C8orf89: variants seen among roughly 807,000 people sequenced by gnomAD.
C8orf89 encodes putative uncharacterized protein C8orf89.
C8orf89 carries 14 observed loss-of-function variants against 15.8 expected under a neutral mutation model. The ratio of observed to expected loss-of-function variants is 0.89; its 90% CI spans 0.59 to 1.39. C8orf89 has a LOEUF of 1.39. C8orf89 is among the 40% of genes most tolerant of loss of function. The pLI is 0.00. For synonymous variants in C8orf89, 55 were observed against 62.2 expected, an observed-to-expected ratio of 0.88 and a Z score of 0.54; for missense variants, 181 against 184.5, an observed-to-expected ratio of 0.98 and a Z score of 0.11.
the C8orf89 span, among the ~76,000 whole-genome samples, chr8:73,268,671 C>T: frequency 6.6e-6 from 1 of 152,106 alleles, no homozygotes; most frequent in Non-Finnish European, 1.5e-5. Flanking sequence ...AAAGAACTCT[C>T]ATCTTTCCAG....
chr8:73,260,233 C>T (rs1173105466), upstream of C8orf89, among the ~76,000 whole-genome samples: 5 of 152,088 alleles, frequency 3.3e-5, no homozygotes, highest in Admixed American at 6.6e-5. Flanking sequence ...AAAAGAAATA[C>T]GGATGAGAAA....
chr8:73,275,620 G>T, the C8orf89 span, among the ~76,000 whole-genome samples: 3 of 152,074 alleles, frequency 2.0e-5, no homozygotes, highest in Admixed American at 1.3e-4. Flanking sequence ...GTGTTTATTT[G>T]CCACTTAGGT....
the C8orf89 span, among the ~76,000 whole-genome samples, chr8:73,285,592 G>A: frequency 1.3e-5 from 2 of 152,264 alleles, no homozygotes; most frequent in African/African-American, 2.4e-5. Context: ...GTCCTGAGAC[G>A]GGCCAGCCAC....
At chr8:73,253,202 A>G (rs1450913756) in intron 2 of C8orf89, among the ~76,000 whole-genome samples, 8 of 152,214 alleles carry the variant, frequency 5.3e-5, no homozygotes, top group Non-Finnish European at 1.2e-4. Context: ...TAAACAAACC[A>G]AAGCAGAAGC....
At chr8:73,250,765 T>C (rs935268488) in intron 2 of C8orf89, among the ~76,000 whole-genome samples, 4 of 152,190 alleles carry the variant, frequency 2.6e-5, no homozygotes, top group African/African-American at 9.7e-5. Context: ...TTGAATCTGC[T>C]GTGGGTGAGA....
At chr8:73,256,512 G>A (rs535709295) in intron 2 of C8orf89, among the ~76,000 whole-genome samples, 54 of 152,008 alleles carry the variant, frequency 3.6e-4, no homozygotes, top group Admixed American at 3.3e-3. Flanking sequence ...GGCAGATGAC[G>A]AGGTCAAGAG....
At chr8:73,253,733 T>G in intron 2 of C8orf89, among the ~76,000 whole-genome samples, 1 of 133,556 alleles carries the variant, frequency 7.5e-6, no homozygotes, top group African/African-American at 3.3e-5. Flanking sequence ...TTTGGCTCTC[T>G]GTCTGTTATT....
chr8:73,255,034 A>T (rs1424738367), intron 2 of C8orf89, among the ~76,000 whole-genome samples: 3 of 151,854 alleles, frequency 2.0e-5, no homozygotes, highest in Non-Finnish European at 4.4e-5. Flanking sequence ...AACCTAGGCA[A>T]TACCATTCAG....
chr8:73,256,823 C>A (rs1813401386), intron 2 of C8orf89, 150 bp downstream of exon 2: 2 of 416,202 alleles, frequency 4.8e-6, no homozygotes, highest in African/African-American at 2.3e-5. Flanking sequence ...AATAAAATAG[C>A]TTAGATTTTA....
intron 3 of C8orf89, among the ~76,000 whole-genome samples, chr8:73,243,281 T>C (rs925754109): frequency 5.3e-5 from 8 of 152,206 alleles, no homozygotes; most frequent in African/African-American, 1.4e-4. Context: ...AATGATCTAA[T>C]CGTATATTTA....
At chr8:73,249,602 T>C (rs1244188954) in intron 3 of C8orf89, among the ~76,000 whole-genome samples, 1 of 152,164 alleles carries the variant, frequency 6.6e-6, no homozygotes, top group Admixed American at 6.5e-5. Context: ...AAACTTAAGC[T>C]TTTAATGAAA....
At chr8:73,263,366 T>A (rs1172518037), upstream of C8orf89, among the ~76,000 whole-genome samples, 3 of 151,936 alleles carry the variant, frequency 2.0e-5, no homozygotes, top group East Asian at 1.9e-4. Context: ...TACAAAAAAA[T>A]TAGCCATGTG....
At chr8:73,252,094 A>G (rs1041691320) in intron 2 of C8orf89, among the ~76,000 whole-genome samples, 5 of 152,146 alleles carry the variant, frequency 3.3e-5, no homozygotes, top group Non-Finnish European at 7.3e-5. Flanking sequence ...ATTCTGCCTT[A>G]TTTTATTCTA....
In C8orf89 at chr8:73,241,445, G is replaced by C; in HGVS notation, c.*12C>G. The C allele has an allele frequency of 1.3e-6, 2 of 1,519,060 alleles. No individual in the cohort carries two copies. Among genetic ancestry groups the C allele is most frequent in the South Asian group, 1.2e-5 (1 of 81,022 alleles). The allele number at this position is 1,519,060 out of a possible 1,614,324, so 94.1% of individuals were successfully genotyped here. ...AAGTCACTGAAGAAAGCATCACACT[G>C]TACGACATTTTTCAGCGGTCTCGGA... is the stretch of plus-strand genomic sequence containing the variant. On this transcript the variant is annotated 3_prime_UTR_variant, in exon 4 of 4. Transcript: ENST00000624510.
the C8orf89 span, among the ~76,000 whole-genome samples, chr8:73,267,368 A>T: frequency 6.6e-6 from 1 of 152,266 alleles, no homozygotes; most frequent in Middle Eastern, 3.4e-3. Flanking sequence ...TCAGTTGATG[A>T]TGGATAACTG....
chr8:73,273,610 A>T, the C8orf89 span, among the ~76,000 whole-genome samples: 24 of 152,234 alleles, frequency 1.6e-4, no homozygotes, highest in African/African-American at 4.3e-4. Context: ...CGGCAGGTTG[A>T]TGGCGGCAGG....
At chr8:73,282,148 T>C in the C8orf89 span, among the ~76,000 whole-genome samples, 3 of 152,224 alleles carry the variant, frequency 2.0e-5, no homozygotes, top group African/African-American at 4.8e-5. Context: ...CTCACTTAAA[T>C]ATATTCATTA....
Position 73,241,470 on chromosome 8 carries a change from A to T in C8orf89, c.473T>A (p.Leu158His), listed in dbSNP as rs904926595. 6.5e-7 allele frequency: 1 copy of T among 1,528,488 alleles called. No homozygotes were observed. Among genetic ancestry groups the T allele is most frequent in the Non-Finnish European group, 8.8e-7 (1 of 1,142,564 alleles). The allele number at this position is 1,528,488 out of a possible 1,614,324, so 94.7% of individuals were successfully genotyped here. The change falls in exon 4 of 4, where the codon CTC becomes CAC. Residue 158 changes from leucine (L) to histidine (H), a missense_variant. Physicochemically the swap from Leu to His is moderately conservative, Grantham distance 99. Coordinates refer to ENST00000624510, the MANE Select transcript of C8orf89 (RefSeq NM_001243237.3). Reference sequence around the variant, plus strand: ...GTACGACATTTTTCAGCGGTCTCGGAGGTCTCGTTTCTTGCTTTTTTTTGA... The same window carrying T: ...GTACGACATTTTTCAGCGGTCTCGGTGGTCTCGTTTCTTGCTTTTTTTTGA... ...TKSKKSKKRD[L>H]RDR is the part of the protein sequence containing the mutation.
intron 3 of C8orf89, among the ~76,000 whole-genome samples, chr8:73,247,440 T>A (rs572422271): frequency 2.0e-5 from 3 of 152,350 alleles, no homozygotes; most frequent in South Asian, 2.1e-4. Flanking sequence ...GGATTTATAG[T>A]CCTTTGGGTA....
Sources: gnomAD v4.1 joint callset for allele counts (sites outside exome capture counted in the v4.1 genomes callset) on GRCh38, gnomAD v4.1.1 for gene constraint, MANE v1.5 for transcripts, NCBI Gene and HGNC (gene_info 2026-07-23, HGNC 2026-07-21) for gene names.